The following SV2C variants were observed in gnomAD, a reference collection of about 807,000 sequenced individuals.
SV2C encodes the protein synaptic vesicle glycoprotein 2C, also known as solute carrier family 22 member B3.
Under a neutral mutation model 79.7 loss-of-function variants are expected in SV2C, and 49 were observed. That is an observed-to-expected ratio of 0.61 (90% confidence interval 0.49 to 0.78). The LOEUF (loss-of-function observed/expected upper bound fraction) is 0.78, where lower values mean the gene tolerates loss of function less well. Ranked by LOEUF, SV2C falls within the 30% of genes least tolerant of loss-of-function variation. The pLI is 0.00. For missense variants in SV2C, 833 were observed against 912.9 expected (o/e 0.91, Z 1.13); for synonymous variants, 334 against 333.2 (o/e 1.00, Z -0.03).
chr5:75,864,828 A>C, the SV2C span, among the ~76,000 whole-genome samples: 1 of 152,254 alleles, frequency 6.6e-6, no homozygotes, highest in Non-Finnish European at 1.5e-5. Context: ...CAACAGATTT[A>C]ACACCAAGAA....
the SV2C span, among the ~76,000 whole-genome samples, chr5:75,988,997 T>C: frequency 6.6e-6 from 1 of 151,928 alleles, no homozygotes; most frequent in Non-Finnish European, 1.5e-5. Context: ...CCACTTTCCT[T>C]TGTCTTGTCA....
At chr5:76,279,311 A>G (rs112817889) in intron 4 of SV2C, among the ~76,000 whole-genome samples, 1 of 152,194 alleles carries the variant, frequency 6.6e-6, no homozygotes, top group Non-Finnish European at 1.5e-5. Context: ...AGACAGTGGC[A>G]TGCAGGTGGC....
the SV2C span, among the ~76,000 whole-genome samples, chr5:75,984,614 T>G: frequency 2.7e-5 from 4 of 147,256 alleles, no homozygotes; most frequent in Non-Finnish European, 4.5e-5. Context: ...TATCTATCTA[T>G]CTATCTATCA....
intron 4 of SV2C, among the ~76,000 whole-genome samples, chr5:76,279,915 G>A (rs1040163438): frequency 9.9e-5 from 15 of 152,118 alleles, no homozygotes; most frequent in African/African-American, 3.4e-4. Flanking sequence ...GAGCTCCACC[G>A]CCCATGTGAG....
At chr5:75,859,887 T>C in the SV2C span, among the ~76,000 whole-genome samples, 3 of 130,232 alleles carry the variant, frequency 2.3e-5, no homozygotes, top group South Asian at 6.5e-4. Flanking sequence ...CACTGATTAA[T>C]CCTTTTCTCA....
chr5:75,864,222 A>G, the SV2C span, among the ~76,000 whole-genome samples: 7 of 152,136 alleles, frequency 4.6e-5, no homozygotes, highest in Non-Finnish European at 7.4e-5. Context: ...CTTTTCATCT[A>G]TATTTCCTGC....
chr5:75,876,672 G>A, the SV2C span, among the ~76,000 whole-genome samples: 35 of 151,976 alleles, frequency 2.3e-4, no homozygotes, highest in Non-Finnish European at 4.1e-4. Flanking sequence ...TAACAATAAC[G>A]TCATAAAGAG....
the SV2C span, among the ~76,000 whole-genome samples, chr5:76,023,764 A>T: frequency 6.6e-6 from 1 of 151,622 alleles, no homozygotes; most frequent in African/African-American, 2.4e-5. Flanking sequence ...TTACTCTGTA[A>T]CTTTTTCTTT....
chr5:76,124,123 T>C (rs1748622956), intron 1 of SV2C, among the ~76,000 whole-genome samples: 1 of 152,206 alleles, frequency 6.6e-6, no homozygotes, highest in Non-Finnish European at 1.5e-5. Context: ...TCACATAAAA[T>C]TTACCACTTA....
the SV2C span, among the ~76,000 whole-genome samples, chr5:75,978,872 GGCTTGAGGCTGAGGCAGGAGGATT>G: frequency 6.6e-6 from 1 of 152,134 alleles, no homozygotes; most frequent in East Asian, 1.9e-4. Flanking sequence ...GAGGATAGAT[GGCTTGAGGCTGAGGCAGGAGGATT>G]GCTTGAGCCT....
chr5:75,959,920 T>C, the SV2C span, among the ~76,000 whole-genome samples: 7,117 of 152,026 alleles, frequency 0.047, 426 homozygotes, highest in African/African-American at 0.14. Flanking sequence ...ACTGCTTCCT[T>C]AGACAAAATT....
At chr5:75,974,428 C>A in the SV2C span, among the ~76,000 whole-genome samples, 11 of 152,012 alleles carry the variant, frequency 7.2e-5, no homozygotes, top group Non-Finnish European at 1.3e-4. Context: ...TTCATTTTCC[C>A]TTCAAAGATA....
chr5:75,940,661 G>A, the SV2C span, among the ~76,000 whole-genome samples: 3 of 152,122 alleles, frequency 2.0e-5, no homozygotes, highest in East Asian at 5.8e-4. Context: ...CTGGCTATTA[G>A]AGTTGACTTG....
At chr5:76,303,808 T>C (rs979707135) in intron 12 of SV2C, among the ~76,000 whole-genome samples, 3 of 152,198 alleles carry the variant, frequency 2.0e-5, no homozygotes, top group Non-Finnish European at 1.5e-5. Flanking sequence ...CAGGATGGGA[T>C]TAAACATGCA....
the SV2C span, among the ~76,000 whole-genome samples, chr5:75,919,886 C>T: frequency 6.6e-6 from 1 of 152,166 alleles, no homozygotes; most frequent in Non-Finnish European, 1.5e-5. Flanking sequence ...TTTCAAACCC[C>T]CAATTCCCAA....
intron 4 of SV2C, chr5:76,242,218 C>G (rs1745809423): frequency 2.1e-6 from 2 of 974,490 alleles, no homozygotes; most frequent in South Asian, 1.3e-5. Context: ...CAGACAACCT[C>G]GCGGATCTTC....
chr5:76,313,917 A>G (rs1008261913), intron 12 of SV2C, among the ~76,000 whole-genome samples: 3 of 152,234 alleles, frequency 2.0e-5, no homozygotes, highest in Non-Finnish European at 4.4e-5. Flanking sequence ...TCTTTAAAGC[A>G]CTAAGTAACC....
At chr5:76,238,744 A>G (rs1444720010) in intron 4 of SV2C, among the ~76,000 whole-genome samples, 1 of 152,120 alleles carries the variant, frequency 6.6e-6, no homozygotes, top group Non-Finnish European at 1.5e-5. Flanking sequence ...TTCATTTTCC[A>G]TATTGGAGGA....
chr5:75,961,836 G>A, the SV2C span, among the ~76,000 whole-genome samples: 5 of 151,958 alleles, frequency 3.3e-5, no homozygotes, highest in Admixed American at 1.3e-4. Context: ...TGCAAATATT[G>A]TGCTAATTGA....
Sources: gnomAD v4.1 joint callset for allele counts (sites outside exome capture counted in the v4.1 genomes callset) on GRCh38, gnomAD v4.1.1 for gene constraint, MANE v1.5 for transcripts, NCBI Gene and HGNC (gene_info 2026-07-23, HGNC 2026-07-21) for gene names.